SMG6: variants seen among roughly 807,000 people sequenced by gnomAD.
SMG6 encodes the protein telomerase-binding protein EST1A.
In SMG6, 66 loss-of-function variants were observed where a neutral mutation model predicts 142.2. That is an observed-to-expected ratio of 0.46 (90% CI 0.38 to 0.57). SMG6 has a LOEUF of 0.57. Ranked by LOEUF, SMG6 falls within the 20% of genes least tolerant of loss-of-function variation. The pLI is 0.00. For missense variants in SMG6, 1,793 were observed against 1,832.0 expected (o/e 0.98, Z 0.39); for synonymous variants, 779 against 702.4 (o/e 1.11, Z -1.72).
intron 12 of SMG6, among the ~76,000 whole-genome samples, chr17:2,174,935 G>A (rs970673585): frequency 1.3e-5 from 2 of 152,206 alleles, no homozygotes; most frequent in African/African-American, 4.8e-5. Flanking sequence ...CCCATCTGCA[G>A]AGAAGAAAAT....
At chr17:2,302,599 T>C (rs2151422474) in intron 1 of SMG6, among the ~76,000 whole-genome samples, 1 of 152,246 alleles carries the variant, frequency 6.6e-6, no homozygotes, top group Middle Eastern at 3.4e-3. Context: ...TCTCTAAATA[T>C]AAATGGAAAC....
intron 10 of SMG6, among the ~76,000 whole-genome samples, chr17:2,218,686 T>C (rs966961941): frequency 2.6e-5 from 4 of 152,246 alleles, no homozygotes; most frequent in Non-Finnish European, 5.9e-5. Context: ...TGTCATCACC[T>C]GAGGTGAGGT....
At chr17:2,185,155 C>T (rs1044615483) in intron 12 of SMG6, among the ~76,000 whole-genome samples, 3 of 151,908 alleles carry the variant, frequency 2.0e-5, no homozygotes, top group African/African-American at 7.3e-5. Context: ...CACATGAACA[C>T]ATACAGATAA....
At chr17:2,255,697 A>T (rs918065378) in intron 8 of SMG6, 13 of 183,498 alleles carry the variant, frequency 7.1e-5, no homozygotes, top group Non-Finnish European at 1.3e-4. Context: ...CCAACAGCTC[A>T]TTGAGACGGG....
At position 2,282,276 on chromosome 17, in the gene SMG6, C is replaced by T. The variant is rs75660170; in HGVS notation, c.2661+371G>A. Reference sequence around the variant, plus strand: ...TCACAAATCAGACTAACTAACCTATCCATGCTACTTTAGTTCATTCTCGGA... The same window carrying T: ...TCACAAATCAGACTAACTAACCTATTCATGCTACTTTAGTTCATTCTCGGA... On this transcript the variant is annotated intron_variant, in intron 8 of 18. Transcript: ENST00000263073. Among the ~76,000 whole-genome samples the T allele has an allele frequency of 9.8e-3, 1,489 of 151,754 alleles. 27 individuals carry two copies. The highest frequency in any genetic ancestry group is 0.034 in the African/African-American group (1,400 of 41,360).
At position 2,300,396 on chromosome 17, in the gene SMG6, T is replaced by G; in HGVS notation, c.357A>C (p.Glu119Asp). The G allele has an allele frequency of 6.2e-7, 1 of 1,614,150 alleles. No individual in the cohort carries two copies. The highest frequency in any genetic ancestry group is 8.5e-7 in the Non-Finnish European group (1 of 1,180,046). The change falls in exon 2 of 19, where the codon GAA (glutamate) becomes GAC (aspartate). Residue 119 changes from glutamate to aspartate, a missense_variant. Around this residue, in one of 3 missense-constraint regions of SMG6, gnomAD observed 1,597 missense variants for 1,584.6 expected, o/e 1.01. Transcript: ENST00000263073. ...PIDPENNRGQ[E>D]SFPRTAGQED... ...CTTGTCCAGCAGTCCTAGGAAAGGA[T>G]TCTTGTCCCCGATTATTTTCTGGGT...
intron 10 of SMG6, among the ~76,000 whole-genome samples, chr17:2,234,832 G>A (rs1373857915): frequency 3.3e-5 from 5 of 152,050 alleles, no homozygotes; most frequent in Non-Finnish European, 1.5e-5. Flanking sequence ...TCAGCCTCCT[G>A]AGAAGCTGGG....
intron 8 of SMG6, among the ~76,000 whole-genome samples, chr17:2,247,261 A>C (rs1839947638): frequency 6.6e-6 from 1 of 152,240 alleles, no homozygotes; most frequent in Non-Finnish European, 1.5e-5. Context: ...AATCTGGGAG[A>C]AGAATATGTG....
chr17:2,241,926 C>A (rs1170536555), intron 9 of SMG6, among the ~76,000 whole-genome samples: 1 of 152,172 alleles, frequency 6.6e-6, no homozygotes, highest in Non-Finnish European at 1.5e-5. Context: ...CAGTGAGGGG[C>A]AACTTTGTCT....
intron 15 of SMG6, among the ~76,000 whole-genome samples, chr17:2,075,914 C>A (rs892982883): frequency 3.3e-5 from 5 of 152,184 alleles, no homozygotes; most frequent in Non-Finnish European, 7.4e-5. Context: ...CCCCACACCC[C>A]TTTTCTGACC....
Position 2,061,227 on chromosome 17 carries a change from G to C in SMG6, c.*265C>G. ...AGAGCATGGGCGGCCTATCTGGCTT[G>C]CCCAGCTGCTGTTGCTGTAGCCAGC... On this transcript the variant is annotated 3_prime_UTR_variant, in exon 19 of 19. Coordinates refer to ENST00000263073, the MANE Select transcript of SMG6 (RefSeq NM_017575.5). 1 of 415,820 alleles carries C rather than the reference G, an allele frequency of 2.4e-6. No homozygotes were observed. The highest frequency in any genetic ancestry group is 2.0e-5 in the African/African-American group (1 of 49,344). 25.8% of individuals were successfully genotyped at this position (415,820 alleles called of 1,614,324 possible). A position where few individuals can be genotyped will look rare whatever the true frequency, so the allele number is the denominator to read the frequency against.
chr17:2,255,558 G>A (rs962829173), intron 8 of SMG6, among the ~76,000 whole-genome samples: 2 of 152,292 alleles, frequency 1.3e-5, no homozygotes, highest in African/African-American at 4.8e-5. Context: ...CCGTCCGGGA[G>A]GGAGGTGGCG....
At chr17:2,280,772 A>G (rs2074767595) in intron 8 of SMG6, among the ~76,000 whole-genome samples, 1 of 152,234 alleles carries the variant, frequency 6.6e-6, no homozygotes, top group Non-Finnish European at 1.5e-5. Flanking sequence ...ATATTCATCT[A>G]TTATTTGTAT....
chr17:2,301,777 G>A (rs555227294), intron 1 of SMG6, among the ~76,000 whole-genome samples: 2 of 152,362 alleles, frequency 1.3e-5, no homozygotes, highest in East Asian at 3.9e-4. Flanking sequence ...AGGAGGCGGA[G>A]CTTGCAGTAC....
chr17:2,227,491 T>C (rs1026868227), intron 10 of SMG6, among the ~76,000 whole-genome samples: 4 of 152,224 alleles, frequency 2.6e-5, no homozygotes, highest in Non-Finnish European at 5.9e-5. Flanking sequence ...TGCACACTCT[T>C]AGGATTCCAT....
rs1303226411 is a variant in SMG6, at chr17:2,071,686, GGAGAT to G, written c.3682-2760_3682-2756del. Among the ~76,000 whole-genome samples, 1 of 152,200 alleles carries G rather than the reference GGAGAT, an allele frequency of 6.6e-6. No individual in the cohort carries two copies. The highest frequency in any genetic ancestry group is 1.5e-5 in the Non-Finnish European group (1 of 68,040). The stretch of plus-strand genomic sequence containing the variant: ...CCCCGCATGCCCTCATGGAGTCTCA[GGAGAT>G]GAGATGAAGCTGCTCCCTTTTCTCC... On this transcript the variant is annotated intron_variant, in intron 15 of 18. Transcript: ENST00000263073. The surrounding 1 kb of genome is among the most constrained non-coding windows in gnomAD (Gnocchi z 5.6).
intron 6 of SMG6, among the ~76,000 whole-genome samples, chr17:2,288,078 C>T (rs1171220114): frequency 6.6e-6 from 1 of 152,036 alleles, no homozygotes; most frequent in African/African-American, 2.4e-5. Flanking sequence ...CTTTCGGAGG[C>T]CAAGGTGGGT....
Position 2,300,054 on chromosome 17 carries a change from T to C in SMG6, c.699A>G (p.Pro233=), listed in dbSNP as rs216194. 1,397,738 of 1,614,122 alleles carry C rather than the reference T, an allele frequency of 0.87. 607,090 individuals are homozygous for C. Among genetic ancestry groups the C allele is most frequent in the East Asian group, 1 (44,862 of 44,876 alleles). Residue 233 remains proline, a synonymous_variant, in exon 2 of 19, where the codon CCA becomes CCG. Transcript: ENST00000263073. ...GEGVRETHDD[P]ARGRPGSAKR... ...TTGCGGAGCCCGGCCTCCCGCGGGC[T>C]GGGTCGTCGTGGGTTTCCCTCACCC...
rs756764176 is a variant in SMG6 at position 2,300,327 on chromosome 17, G to T, written c.426C>A (p.Asp142Glu). ...LKIIKRTKKP[D>E]LQIYQPGRRL... Reference sequence around the variant, plus strand: ...GTCGTCCAGGCTGATAGATCTGCAGGTCGGGTTTCTTTGTTCTTTTGATAA... The same window carrying T: ...GTCGTCCAGGCTGATAGATCTGCAGTTCGGGTTTCTTTGTTCTTTTGATAA... The change falls in exon 2 of 19, where the codon GAC becomes GAA. Residue 142 changes from aspartate (D) to glutamate (E), a missense_variant. Asp to Glu is a conservative substitution (Grantham distance 45). Coordinates refer to ENST00000263073, the MANE Select transcript of SMG6 (RefSeq NM_017575.5). 1.2e-6 allele frequency: 2 copies of T among 1,613,824 alleles called. No homozygotes were observed. The highest frequency in any genetic ancestry group is 1.3e-5 in the African/African-American group (1 of 74,926).
Sources: gnomAD v4.1 joint callset for allele counts (sites outside exome capture counted in the v4.1 genomes callset) on GRCh38, gnomAD v4.1.1 for gene constraint, gnomAD v4.1.1 regional missense constraint, Gnocchi (gnomAD v3.1) non-coding constraint, MANE v1.5 for transcripts, NCBI Gene and HGNC (gene_info 2026-07-23, HGNC 2026-07-21) for gene names.